The following PTCD2 variants were observed in gnomAD, a reference collection of about 807,000 sequenced individuals.
PTCD2 encodes the protein pentatricopeptide repeat-containing protein 2, mitochondrial.
In PTCD2, 31 loss-of-function variants were observed where a neutral mutation model predicts 42.6. The ratio of observed to expected loss-of-function variants is 0.73; its 90% CI spans 0.55 to 0.98. The LOEUF (loss-of-function observed/expected upper bound fraction) is 0.98, where lower values mean the gene tolerates loss of function less well. PTCD2 is among the 50% of genes least tolerant of loss of function. The pLI is 0.00. For missense variants in PTCD2, 476 were observed against 454.8 expected (o/e 1.05, Z -0.42); for synonymous variants, 183 against 170.9 (o/e 1.07, Z -0.55).
intron 9 of PTCD2, among the ~76,000 whole-genome samples, chr5:72,353,819 A>G (rs1752735421): frequency 6.6e-6 from 1 of 152,242 alleles, no homozygotes; most frequent in Admixed American, 6.5e-5. Flanking sequence ...ACAGTTGTAT[A>G]TATTCTTATA....
intron 8 of PTCD2, among the ~76,000 whole-genome samples, chr5:72,351,767 TG>T (rs1399379590): frequency 6.6e-6 from 1 of 152,086 alleles, no homozygotes; most frequent in Non-Finnish European, 1.5e-5. Flanking sequence ...CCTCCCACCA[TG>T]TCCCTCCCCC....
intron 8 of PTCD2, among the ~76,000 whole-genome samples, chr5:72,346,151 A>C (rs1752346037): frequency 6.6e-6 from 1 of 152,256 alleles, no homozygotes; most frequent in Admixed American, 6.5e-5. Flanking sequence ...CCAAGGAACC[A>C]GAAAGATGGA....
intron 7 of PTCD2, among the ~76,000 whole-genome samples, chr5:72,342,297 G>T (rs1030904855): frequency 6.6e-6 from 1 of 152,062 alleles, no homozygotes; most frequent in Non-Finnish European, 1.5e-5. Context: ...TTTTTGGTAC[G>T]CAGTCTCTTC....
At chr5:72,344,980 T>A (rs1752286391) in intron 8 of PTCD2, among the ~76,000 whole-genome samples, 1 of 152,152 alleles carries the variant, frequency 6.6e-6, no homozygotes, top group Non-Finnish European at 1.5e-5. Context: ...GCATGCATTG[T>A]CATTGATAAC....
At chr5:72,350,654 A>C (rs1188920452) in intron 8 of PTCD2, among the ~76,000 whole-genome samples, 2 of 152,172 alleles carry the variant, frequency 1.3e-5, no homozygotes, top group South Asian at 4.1e-4. Context: ...TAGAACACTG[A>C]ATTTAAATTG....
At chr5:72,352,125 G>A (rs951431687) in intron 8 of PTCD2, among the ~76,000 whole-genome samples, 11 of 152,024 alleles carry the variant, frequency 7.2e-5, no homozygotes, top group African/African-American at 1.9e-4. Context: ...AGTGTTACCC[G>A]TAAACAAGTT....
rs572208044 is a variant in PTCD2 at position 72,363,199 on chromosome 5, G to T, written c.*4772G>T. The T allele has an allele frequency of 6.6e-6, 1 of 152,090 alleles. No individual in the cohort carries two copies. The highest frequency in any genetic ancestry group is 6.6e-5 in the Admixed American group (1 of 15,262). The allele number at this position is 152,090 out of a possible 1,614,324, so 9.4% of individuals were successfully genotyped here. On this transcript the variant is annotated 3_prime_UTR_variant, in exon 10 of 10. Coordinates refer to ENST00000380639, the MANE Select transcript of PTCD2 (RefSeq NM_024754.5). Reference sequence around the variant, plus strand: ...TGAGGTAAATGTTCAATCTTTTTGCGTATCTTCCTCCTACCTTTTCATAGC... The same window carrying T: ...TGAGGTAAATGTTCAATCTTTTTGCTTATCTTCCTCCTACCTTTTCATAGC...
chr5:72,338,653 C>T lies in PTCD2; in HGVS notation c.671C>T (p.Thr224Ile), dbSNP rs748804246. The T allele has an allele frequency of 6.2e-7, 1 of 1,610,696 alleles. No individual in the cohort carries two copies. Among genetic ancestry groups the T allele is most frequent in the Non-Finnish European group, 8.5e-7 (1 of 1,176,992 alleles). The change falls in exon 7 of 10, where the codon ACA becomes ATA. Residue 224 changes from threonine (T) to isoleucine (I), a missense_variant. Coordinates refer to ENST00000380639, the MANE Select transcript of PTCD2 (RefSeq NM_024754.5). ...NSPESFKICT[T>I]LREEALLKGE... ...CCTGAGTCTTTCAAAATCTGTACTA[C>T]ATTAAGAGAAGAAGCTCTACTCAAA...
chr5:72,350,913 C>T (rs1331132724), intron 8 of PTCD2, among the ~76,000 whole-genome samples: 1 of 152,164 alleles, frequency 6.6e-6, no homozygotes, highest in African/African-American at 2.4e-5. Context: ...AAGTCTAAGA[C>T]ATTACCAGTT....
intron 8 of PTCD2, among the ~76,000 whole-genome samples, chr5:72,350,038 C>A (rs899485411): frequency 9.2e-5 from 14 of 152,178 alleles, no homozygotes; most frequent in Non-Finnish European, 5.9e-5. Flanking sequence ...CTGGGGGAAC[C>A]AAGCTCCTCT....
intron 8 of PTCD2, among the ~76,000 whole-genome samples, chr5:72,349,872 AG>A (rs1163701842): frequency 1.3e-5 from 2 of 152,166 alleles, no homozygotes; most frequent in Non-Finnish European, 2.9e-5. Context: ...GTGTATTTTA[AG>A]GTAATGAGCC....
chr5:72,331,040 A>G (rs370236095), intron 3 of PTCD2, among the ~76,000 whole-genome samples: 1 of 152,124 alleles, frequency 6.6e-6, no homozygotes. Context: ...ATTTTATGTC[A>G]GTCTGCTGTA....
At chr5:72,351,749 T>C (rs372409350) in intron 8 of PTCD2, among the ~76,000 whole-genome samples, 2 of 152,210 alleles carry the variant, frequency 1.3e-5, no homozygotes, top group Admixed American at 6.5e-5. Context: ...GCCCCCATGA[T>C]CCAATCACCT....
At chr5:72,354,867 G>T (rs1244556555) in intron 9 of PTCD2, among the ~76,000 whole-genome samples, 1 of 152,148 alleles carries the variant, frequency 6.6e-6, no homozygotes, top group Non-Finnish European at 1.5e-5. Flanking sequence ...ACAAATTAGG[G>T]TCTGTTCGTA....
At position 72,358,437 on chromosome 5, in the gene PTCD2, C is replaced by G. The variant is rs1752994799; in HGVS notation, c.*10C>G. On this transcript the variant is annotated 3_prime_UTR_variant, in exon 10 of 10. Coordinates refer to ENST00000380639, the MANE Select transcript of PTCD2 (RefSeq NM_024754.5). ...CCTGTTGGCTGAGTAACCCTGGTTT[C>G]AGTCCACCTATGGATCTGAGGGGCC... The G allele has an allele frequency of 6.2e-7, 1 of 1,602,136 alleles. No homozygotes were observed. Among genetic ancestry groups the G allele is most frequent in the East Asian group, 2.2e-5 (1 of 44,694 alleles).
rs1753052668 is a variant in PTCD2, at chr5:72,359,899, G to T, written c.*1472G>T. 1 of 152,050 alleles carries T rather than the reference G, an allele frequency of 6.6e-6. No individual in the cohort carries two copies. Among genetic ancestry groups the T allele is most frequent in the African/African-American group, 2.4e-5 (1 of 41,402 alleles). 9.4% of individuals were successfully genotyped at this position (152,050 alleles called of 1,614,324 possible). The stretch of plus-strand genomic sequence containing the variant: ...TACTAAGGGCCCCCATTACTGTGTG[G>T]CCCTGGGCATCCTCAGTTTCCTCAT... On this transcript the variant is annotated 3_prime_UTR_variant, in exon 10 of 10. Coordinates refer to ENST00000380639, the MANE Select transcript of PTCD2 (RefSeq NM_024754.5).
At chr5:72,332,904 C>T (rs1045445944) in intron 4 of PTCD2, among the ~76,000 whole-genome samples, 1 of 152,096 alleles carries the variant, frequency 6.6e-6, no homozygotes, top group Non-Finnish European at 1.5e-5. Flanking sequence ...AAAAAGAATG[C>T]AATGTATGTT....
chr5:72,358,521 T>C lies in PTCD2; in HGVS notation c.*94T>C, dbSNP rs895145658. On this transcript the variant is annotated 3_prime_UTR_variant, in exon 10 of 10. Transcript: ENST00000380639. ...CCAGGTATCGCACTTCAGCAGACAG[T>C]GTGCTGACACTTGGTCTTCTCCTGA... 4.7e-6 allele frequency: 4 copies of C among 857,388 alleles called. No homozygotes were observed. The highest frequency in any genetic ancestry group is 3.3e-5 in the African/African-American group (2 of 59,732). 53.1% of individuals were successfully genotyped at this position (857,388 alleles called of 1,614,324 possible).
At chr5:72,341,028 G>A (rs56225625) in intron 7 of PTCD2, among the ~76,000 whole-genome samples, 9,370 of 149,946 alleles carry the variant, frequency 0.062, 535 homozygotes, top group African/African-American at 0.15. Flanking sequence ...GGAGTGGCAC[G>A]ATTTCGGCTC....
Sources: gnomAD v4.1 joint callset for allele counts (sites outside exome capture counted in the v4.1 genomes callset) on GRCh38, gnomAD v4.1.1 for gene constraint, MANE v1.5 for transcripts, NCBI Gene and HGNC (gene_info 2026-07-23, HGNC 2026-07-21) for gene names.